Variants in GALNT13 observed in about 807,000 individuals in gnomAD.
The protein encoded by GALNT13 is UDP-GalNAc:polypeptide N-acetylgalactosaminyltransferase 13.
Under a neutral mutation model 64.2 loss-of-function variants are expected in GALNT13, and 28 were observed. The ratio of observed to expected loss-of-function variants is 0.44; its 90% CI spans 0.32 to 0.60. The LOEUF (loss-of-function observed/expected upper bound fraction) is 0.60. GALNT13 is among the 20% of genes least tolerant of loss of function. The pLI is 0.05. For missense variants in GALNT13, 577 were observed against 669.8 expected (o/e 0.86, Z 1.53); for synonymous variants, 214 against 224.6 (o/e 0.95, Z 0.42).
chr2:153,414,508 A>G, the GALNT13 span, among the ~76,000 whole-genome samples: 1 of 145,102 alleles, frequency 6.9e-6, no homozygotes, highest in African/African-American at 2.5e-5. Context: ...TAATTGATCT[A>G]TACCACTGCC....
At chr2:153,762,968 G>A in the GALNT13 span, among the ~76,000 whole-genome samples, 2 of 151,438 alleles carry the variant, frequency 1.3e-5, no homozygotes, top group African/African-American at 4.9e-5. Context: ...ACTATTTTAA[G>A]CTGATAACAA....
chr2:153,782,567 C>T, the GALNT13 span, among the ~76,000 whole-genome samples: 1 of 152,026 alleles, frequency 6.6e-6, no homozygotes, highest in Non-Finnish European at 1.5e-5. Flanking sequence ...CAGTGAATGA[C>T]CAATTAAGTT....
chr2:153,828,452 C>G, the GALNT13 span, among the ~76,000 whole-genome samples: 7 of 152,308 alleles, frequency 4.6e-5, no homozygotes, highest in African/African-American at 1.7e-4. Context: ...CATGTGAAAG[C>G]TGCCACGGCT....
chr2:153,233,045 G>A, the GALNT13 span, among the ~76,000 whole-genome samples: 5 of 152,158 alleles, frequency 3.3e-5, no homozygotes, highest in South Asian at 4.1e-4. Flanking sequence ...ATTAGAAACC[G>A]TGGCTCTCAC....
chr2:153,317,457 AATATTTTAT>A, the GALNT13 span, among the ~76,000 whole-genome samples: 1 of 152,164 alleles, frequency 6.6e-6, no homozygotes, highest in Non-Finnish European at 1.5e-5. Context: ...CTTTGGGGAT[AATATTTTAT>A]ATATTTTATG....
At chr2:154,031,170 C>T (rs1368974907) in intron 3 of GALNT13, among the ~76,000 whole-genome samples, 1 of 152,012 alleles carries the variant, frequency 6.6e-6, no homozygotes. Context: ...AGTGTTACAA[C>T]ATTCTTATAA....
At chr2:153,273,567 G>A in the GALNT13 span, among the ~76,000 whole-genome samples, 12 of 152,212 alleles carry the variant, frequency 7.9e-5, no homozygotes, top group Non-Finnish European at 1.5e-4. Flanking sequence ...ATTGGTGGCC[G>A]TATATATTAT....
intron 2 of GALNT13, among the ~76,000 whole-genome samples, chr2:153,904,623 G>C (rs1688439124): frequency 6.6e-6 from 1 of 151,700 alleles, no homozygotes; most frequent in Admixed American, 6.6e-5. Flanking sequence ...GTTCATATGT[G>C]TATTTTTCTA....
the GALNT13 span, among the ~76,000 whole-genome samples, chr2:153,315,682 A>G: frequency 6.6e-6 from 1 of 152,216 alleles, no homozygotes; most frequent in African/African-American, 2.4e-5. Context: ...ATTATCAACC[A>G]GGTTGGTATC....
the GALNT13 span, among the ~76,000 whole-genome samples, chr2:153,331,438 G>GAT: frequency 0.29 from 44,331 of 151,312 alleles, 7,413 homozygotes; most frequent in Non-Finnish European, 0.39. Context: ...ATAGGATGGA[G>GAT]ATATATATAT....
intron 4 of GALNT13, among the ~76,000 whole-genome samples, chr2:154,190,348 G>T (rs928688992): frequency 2.0e-5 from 3 of 152,154 alleles, no homozygotes; most frequent in African/African-American, 7.2e-5. Flanking sequence ...TCTGTGAACA[G>T]CTAAAAGGTG....
chr2:153,890,809 G>A (rs955992640), intron 1 of GALNT13, among the ~76,000 whole-genome samples: 2 of 151,942 alleles, frequency 1.3e-5, no homozygotes, highest in South Asian at 2.1e-4. Context: ...TGACCTTGCC[G>A]TTTAGAGCTG....
At chr2:153,522,255 C>T in the GALNT13 span, among the ~76,000 whole-genome samples, 1 of 151,838 alleles carries the variant, frequency 6.6e-6, no homozygotes, top group Non-Finnish European at 1.5e-5. Context: ...ATCGTTTGAA[C>T]CTGGGAGGTG....
At chr2:154,298,445 T>C (rs1693065979) in intron 8 of GALNT13, among the ~76,000 whole-genome samples, 1 of 134,842 alleles carries the variant, frequency 7.4e-6, no homozygotes, top group South Asian at 2.1e-4. Flanking sequence ...ATAAATTATA[T>C]ATAATTTATA....
chr2:154,235,636 A>T (rs1470128580), intron 4 of GALNT13, among the ~76,000 whole-genome samples: 1 of 152,180 alleles, frequency 6.6e-6, no homozygotes, highest in African/African-American at 2.4e-5. Context: ...CTGAGGTAGT[A>T]AAAGGCAACC....
At chr2:153,680,804 A>T in the GALNT13 span, among the ~76,000 whole-genome samples, 1 of 151,850 alleles carries the variant, frequency 6.6e-6, no homozygotes, top group Non-Finnish European at 1.5e-5. Flanking sequence ...ATCCTCTAAG[A>T]GCTGTAGGAG....
At chr2:153,442,375 G>A in the GALNT13 span, among the ~76,000 whole-genome samples, 2 of 152,104 alleles carry the variant, frequency 1.3e-5, no homozygotes, top group Admixed American at 6.6e-5. Context: ...TTTTTGCATC[G>A]ATGTACATCA....
chr2:153,723,541 T>A, the GALNT13 span, among the ~76,000 whole-genome samples: 62 of 150,730 alleles, frequency 4.1e-4, no homozygotes, highest in African/African-American at 1.1e-3. Flanking sequence ...ACATGATTGT[T>A]TATCTAGAAA....
the GALNT13 span, among the ~76,000 whole-genome samples, chr2:153,251,937 G>T: frequency 6.6e-6 from 1 of 151,896 alleles, no homozygotes; most frequent in East Asian, 1.9e-4. Context: ...ACATACGTGT[G>T]CCTGTGTCTT....
Sources: allele counts gnomAD v4.1 joint callset (sites outside exome capture counted in the v4.1 genomes callset), GRCh38; gene constraint gnomAD v4.1.1; transcripts MANE v1.5; gene names NCBI Gene and HGNC (gene_info 2026-07-23, HGNC 2026-07-21).